SHISAL1: variants seen among roughly 807,000 people sequenced by gnomAD.
SHISAL1 encodes the protein protein shisa-like-1.
Under a neutral mutation model 22.6 loss-of-function variants are expected in SHISAL1, and 9 were observed. That is an observed-to-expected ratio of 0.40 (90% CI 0.24 to 0.70). The LOEUF is 0.70. Ranked by LOEUF, SHISAL1 falls within the 30% of genes least tolerant of loss-of-function variation. The pLI, the probability that SHISAL1 is intolerant of heterozygous loss-of-function variation, is 0.39. For missense variants in SHISAL1, 246 were observed against 270.6 expected, an observed-to-expected ratio of 0.91 and a Z score of 0.64; for synonymous variants, 119 against 115.4, an observed-to-expected ratio of 1.03 and a Z score of -0.20.
upstream of SHISAL1, among the ~76,000 whole-genome samples, chr22:44,313,673 G>GCACC (rs960137039): frequency 2.0e-5 from 3 of 152,092 alleles, no homozygotes; most frequent in Non-Finnish European, 2.9e-5. Context: ...TGGGTGCCAG[G>GCACC]CACCCCCCCA....
intron 1 of SHISAL1, among the ~76,000 whole-genome samples, chr22:44,302,438 A>G (rs1314802484): frequency 6.6e-6 from 1 of 151,546 alleles, no homozygotes; most frequent in African/African-American, 2.4e-5. Flanking sequence ...TAATGTTACG[A>G]GGGAAAATAA....
intron 4 of SHISAL1, among the ~76,000 whole-genome samples, chr22:44,263,366 C>T (rs538585342): frequency 2.5e-4 from 38 of 152,234 alleles, no homozygotes; most frequent in African/African-American, 8.2e-4. Context: ...CCACTGCACC[C>T]GGCCGCCTTC....
At chr22:44,323,646 A>ACCAT in the SHISAL1 span, among the ~76,000 whole-genome samples, 2,377 of 111,282 alleles carry the variant, frequency 0.021, 26 homozygotes, top group East Asian at 0.033. Flanking sequence ...CCACCCACTC[A>ACCAT]CCATCCATCC....
At chr22:44,269,278 CACAT>C (rs1025304605) in intron 4 of SHISAL1, among the ~76,000 whole-genome samples, 4 of 147,676 alleles carry the variant, frequency 2.7e-5, no homozygotes, top group African/African-American at 5.0e-5. Context: ...ACCCACAACA[CACAT>C]ACACACACCC....
upstream of SHISAL1, among the ~76,000 whole-genome samples, chr22:44,316,053 C>G (rs958658831): frequency 5.3e-5 from 8 of 152,196 alleles, no homozygotes; most frequent in African/African-American, 1.9e-4. Context: ...CCGTGACAGA[C>G]CTGGTCTCCC....
At chr22:44,264,170 C>T (rs1169761874) in intron 4 of SHISAL1, among the ~76,000 whole-genome samples, 3 of 152,210 alleles carry the variant, frequency 2.0e-5, no homozygotes, top group Non-Finnish European at 2.9e-5. Context: ...TGCCCCAGCA[C>T]CTGCCTTGTC....
intron 1 of SHISAL1, among the ~76,000 whole-genome samples, chr22:44,302,562 G>A (rs2055438938): frequency 6.6e-6 from 1 of 152,240 alleles, no homozygotes. Context: ...TTTGAGTGAG[G>A]CGGGAGAGGC....
chr22:44,298,082 G>T (rs2055400172), intron 2 of SHISAL1, among the ~76,000 whole-genome samples: 1 of 152,232 alleles, frequency 6.6e-6, no homozygotes, highest in Admixed American at 6.5e-5. Context: ...TTCCCCCACA[G>T]ACAGCACCCT....
chr22:44,267,089 AC>A, intron 4 of SHISAL1, among the ~76,000 whole-genome samples: 1 of 152,206 alleles, frequency 6.6e-6, no homozygotes, highest in African/African-American at 2.4e-5. Context: ...GGACGTGGGC[AC>A]TGCAGGCAGG....
At chr22:44,326,343 A>C in the SHISAL1 span, among the ~76,000 whole-genome samples, 1 of 152,106 alleles carries the variant, frequency 6.6e-6, no homozygotes, top group Non-Finnish European at 1.5e-5. Flanking sequence ...GGCACGGGAG[A>C]CAAACTTTCC....
chr22:44,263,163 C>T (rs1197281495), intron 4 of SHISAL1, among the ~76,000 whole-genome samples: 4 of 150,742 alleles, frequency 2.7e-5, no homozygotes, highest in Admixed American at 1.3e-4. Context: ...CTCCGCCACC[C>T]GGGTTCCAGC....
intron 3 of SHISAL1, among the ~76,000 whole-genome samples, chr22:44,286,238 A>G (rs1004695399): frequency 1.3e-5 from 2 of 152,090 alleles, no homozygotes; most frequent in Non-Finnish European, 2.9e-5. Flanking sequence ...CTGGACCAAG[A>G]GCAGAGGCAT....
the SHISAL1 span, among the ~76,000 whole-genome samples, chr22:44,325,810 G>A: frequency 6.6e-6 from 1 of 151,906 alleles, no homozygotes; most frequent in East Asian, 2.0e-4. Flanking sequence ...CCACATCCGT[G>A]TGAGACCCAC....
chr22:44,297,567 C>T (rs550854964), intron 2 of SHISAL1, among the ~76,000 whole-genome samples: 1 of 152,378 alleles, frequency 6.6e-6, no homozygotes, highest in African/African-American at 2.4e-5. Context: ...CCTCAGTCAC[C>T]CCCACCTCAC....
At chr22:44,292,201 G>A (rs2147295744) in intron 3 of SHISAL1, among the ~76,000 whole-genome samples, 1 of 152,274 alleles carries the variant, frequency 6.6e-6, no homozygotes, top group African/African-American at 2.4e-5. Context: ...GCGGGGGTCG[G>A]GGGAAGGGCG....
At chr22:44,317,323 C>T (rs1325665287), upstream of SHISAL1, among the ~76,000 whole-genome samples, 1 of 152,208 alleles carries the variant, frequency 6.6e-6, no homozygotes, top group Non-Finnish European at 1.5e-5. Flanking sequence ...CGCAGCAAGC[C>T]AGGCCTGTCC....
upstream of SHISAL1, among the ~76,000 whole-genome samples, chr22:44,316,168 G>C (rs2055557443): frequency 6.6e-6 from 1 of 152,160 alleles, no homozygotes; most frequent in Non-Finnish European, 1.5e-5. Context: ...CCAAGCCAGG[G>C]AACCCAGTTG....
chr22:44,265,848 G>A (rs1475819243), intron 4 of SHISAL1, among the ~76,000 whole-genome samples: 6 of 152,196 alleles, frequency 3.9e-5, no homozygotes, highest in Non-Finnish European at 8.8e-5. Context: ...GTAGAGCCAG[G>A]CTGCCTGGGA....
In SHISAL1 at chr22:44,282,527, C is replaced by T. The variant is rs529881528; in HGVS notation, c.599+2901G>A. Reference sequence around the variant, plus strand: ...AGCTCAGGGGATGTGGGTGTGTCTGCAGCTGTCTTCCTCCTGCTGCCCCTG... The same window carrying T: ...AGCTCAGGGGATGTGGGTGTGTCTGTAGCTGTCTTCCTCCTGCTGCCCCTG... On this transcript the variant is annotated intron_variant, in intron 4 of 4. Coordinates refer to ENST00000381176, the MANE Select transcript of SHISAL1 (RefSeq NM_001099294.2). 3.3e-5 allele frequency among the ~76,000 whole-genome samples: 5 copies of T among 152,358 alleles called. No individual in the cohort carries two copies. The East Asian group carries it at 9.7e-4, about 29-fold the overall frequency.
Sources: allele counts gnomAD v4.1 joint callset (sites outside exome capture counted in the v4.1 genomes callset), GRCh38; gene constraint gnomAD v4.1.1; transcripts MANE v1.5; gene names NCBI Gene and HGNC (gene_info 2026-07-23, HGNC 2026-07-21).